The following RANBP2 variants were observed in gnomAD, a reference collection of about 807,000 sequenced individuals.
RANBP2 encodes RAN binding protein 2, also known as E3 SUMO-protein ligase RanBP2.
Under a neutral mutation model 303.6 loss-of-function variants are expected in RANBP2, and 57 were observed. The ratio of observed to expected loss-of-function variants is 0.19; its 90% CI spans 0.15 to 0.23. The LOEUF is 0.23. RANBP2 is among the 10% of genes least tolerant of loss of function. RANBP2 has a pLI of 1.00. For synonymous variants in RANBP2, 1,167 were observed against 1,301.5 expected, an observed-to-expected ratio of 0.90 and a Z score of 2.23; for missense variants, 3,138 against 3,780.8, an observed-to-expected ratio of 0.83 and a Z score of 4.46.
In RANBP2 at chr2:108,762,097, T is replaced by G; in HGVS notation, c.2603-4T>G. ...TTTTCTTTATTTTCTTTTTGTTTTT[T>G]TAGTTGCAACTACTGGCCCTTCAGT... is the stretch of plus-strand genomic sequence containing the variant. On this transcript the variant is annotated splice_region_variant and splice_polypyrimidine_tract_variant and intron_variant, in intron 18 of 28. Transcript: ENST00000283195. 1.3e-6 allele frequency: 2 copies of G among 1,596,812 alleles called. No homozygotes were observed. The highest frequency in any genetic ancestry group is 1.7e-6 in the Non-Finnish European group (2 of 1,179,380).
the RANBP2 span, among the ~76,000 whole-genome samples, chr2:109,231,972 A>G: frequency 6.6e-6 from 1 of 152,208 alleles, no homozygotes; most frequent in Non-Finnish European, 1.5e-5. Flanking sequence ...ACATTGTAGA[A>G]TATTTTATCC....
the RANBP2 span, among the ~76,000 whole-genome samples, chr2:109,714,264 G>A: frequency 6.6e-6 from 1 of 151,906 alleles, no homozygotes; most frequent in African/African-American, 2.4e-5. Flanking sequence ...TTGTGTGTGT[G>A]TGTGTGTGTG....
At chr2:108,747,865 G>A (rs1046717045) in intron 8 of RANBP2, among the ~76,000 whole-genome samples, 16 of 152,266 alleles carry the variant, frequency 1.1e-4, no homozygotes, top group Non-Finnish European at 1.3e-4. Flanking sequence ...CTTTTAGTAT[G>A]TTCATAGAGT....
chr2:109,424,048 G>C, the RANBP2 span, among the ~76,000 whole-genome samples: 369 of 152,316 alleles, frequency 2.4e-3, 2 homozygotes, highest in Non-Finnish European at 4.3e-3. Context: ...GCAGGCCCTG[G>C]TGGTGGCAGC....
At chr2:109,481,680 C>A in the RANBP2 span, among the ~76,000 whole-genome samples, 1 of 152,188 alleles carries the variant, frequency 6.6e-6, no homozygotes, top group South Asian at 2.1e-4. Context: ...AGGGCTCTGC[C>A]TCGCAGCACC....
chr2:109,621,058 G>A, the RANBP2 span, among the ~76,000 whole-genome samples: 2 of 152,164 alleles, frequency 1.3e-5, no homozygotes, highest in African/African-American at 4.8e-5. Flanking sequence ...TATTCATTCT[G>A]ACCAAAGCTT....
chr2:109,378,373 A>G, the RANBP2 span, among the ~76,000 whole-genome samples: 1 of 152,176 alleles, frequency 6.6e-6, no homozygotes, highest in Admixed American at 6.5e-5. Flanking sequence ...TGGGGGCTCT[A>G]GTTCTCAACT....
the RANBP2 span, among the ~76,000 whole-genome samples, chr2:109,245,478 A>G: frequency 6.6e-6 from 1 of 152,170 alleles, no homozygotes; most frequent in Admixed American, 6.5e-5. Flanking sequence ...TTCCTATGTG[A>G]GTTGATTATT....
chr2:108,765,128 A>C lies in RANBP2; in HGVS notation c.4589A>C (p.Lys1530Thr), dbSNP rs754411217. 3 of 1,614,124 alleles carry C rather than the reference A, an allele frequency of 1.9e-6. No homozygotes were observed. The highest frequency in any genetic ancestry group is 2.5e-6 in the Non-Finnish European group (3 of 1,179,976). ...SFKFGTSETS[K>T]TLKSGFEDMF... is the part of the protein sequence containing the mutation. ...AAGTTTGGTACTTCAGAGACAAGTA[A>C]AACTCTAAAAAGTGGATTTGAAGAC... Residue 1530 changes from lysine to threonine, a missense_variant, in exon 20 of 29, where the codon AAA (lysine) becomes ACA (threonine). By Grantham distance (78) the Lys-to-Thr change is moderately conservative. Transcript: ENST00000283195.
the RANBP2 span, among the ~76,000 whole-genome samples, chr2:109,085,453 G>A: frequency 5.3e-5 from 8 of 151,872 alleles, no homozygotes; most frequent in East Asian, 7.8e-4. Flanking sequence ...ACACGCGCCC[G>A]CCACCACGCC....
chr2:109,261,457 C>T, the RANBP2 span, among the ~76,000 whole-genome samples: 1 of 152,202 alleles, frequency 6.6e-6, no homozygotes, highest in African/African-American at 2.4e-5. Flanking sequence ...AGGATGTTTG[C>T]TTCTTGGCTT....
At chr2:109,047,894 T>C in the RANBP2 span, among the ~76,000 whole-genome samples, 7 of 152,254 alleles carry the variant, frequency 4.6e-5, no homozygotes, top group East Asian at 1.3e-3. Context: ...AGAACTGGAT[T>C]CCAGCTTTTT....
the RANBP2 span, among the ~76,000 whole-genome samples, chr2:109,453,792 A>G: frequency 6.6e-6 from 1 of 152,108 alleles, no homozygotes; most frequent in Non-Finnish European, 1.5e-5. Flanking sequence ...TGCGTGTGGG[A>G]ACAGAGGGTC....
chr2:109,075,018 T>A, the RANBP2 span, among the ~76,000 whole-genome samples: 1 of 69,370 alleles, frequency 1.4e-5, no homozygotes, highest in Non-Finnish European at 2.5e-5. Flanking sequence ...AGAGCGAGTC[T>A]CCATCTCAAA....
chr2:109,379,638 C>T, the RANBP2 span, among the ~76,000 whole-genome samples: 1 of 152,184 alleles, frequency 6.6e-6, no homozygotes, highest in East Asian at 1.9e-4. Flanking sequence ...TTTCGTCATC[C>T]TCTGTTTTTA....
At chr2:108,798,360 C>A in the RANBP2 span, 2 of 1,543,956 alleles carry the variant, frequency 1.3e-6, no homozygotes, top group Non-Finnish European at 8.8e-7. Context: ...ACAGTGTCAG[C>A]CAATAGGAAT....
At chr2:109,615,889 G>A in the RANBP2 span, 5 of 1,612,566 alleles carry the variant, frequency 3.1e-6, no homozygotes, top group South Asian at 1.1e-5. Flanking sequence ...TCTAGTGGAC[G>A]TATAAAACCC....
At chr2:109,681,136 A>G in the RANBP2 span, among the ~76,000 whole-genome samples, 2 of 152,244 alleles carry the variant, frequency 1.3e-5, no homozygotes. Context: ...GAGGAATCCC[A>G]TGAACACACG....
At chr2:109,666,425 A>T in the RANBP2 span, among the ~76,000 whole-genome samples, 78 of 152,254 alleles carry the variant, frequency 5.1e-4, no homozygotes, top group Non-Finnish European at 8.7e-4. Flanking sequence ...TTAAGGGCAT[A>T]GGAGAAATAT....
Sources: gnomAD v4.1 joint callset for allele counts (sites outside exome capture counted in the v4.1 genomes callset) on GRCh38, gnomAD v4.1.1 for gene constraint, MANE v1.5 for transcripts, NCBI Gene and HGNC (gene_info 2026-07-23, HGNC 2026-07-21) for gene names.